The following MEGF10 variants were observed in gnomAD, a reference collection of about 807,000 sequenced individuals.
MEGF10 encodes multiple EGF like domains 10.
In MEGF10, 86 loss-of-function variants were observed where a neutral mutation model predicts 147.5. The ratio of observed to expected loss-of-function variants is 0.58; its 90% confidence interval spans 0.49 to 0.70. The LOEUF (loss-of-function observed/expected upper bound fraction) is 0.70. Ranked by LOEUF, MEGF10 falls within the 30% of genes least tolerant of loss-of-function variation. The probability of loss-of-function intolerance (pLI) is 0.00; values close to 1 mark genes in which losing one functional copy is unlikely to be tolerated. For synonymous variants in MEGF10, 478 were observed against 525.5 expected (o/e 0.91, Z 1.24); for missense variants, 1,329 against 1,487.3 (o/e 0.89, Z 1.75).
At chr5:127,323,733 A>G (rs1760887020) in intron 1 of MEGF10, among the ~76,000 whole-genome samples, 1 of 152,218 alleles carries the variant, frequency 6.6e-6, no homozygotes, top group African/African-American at 2.4e-5. Flanking sequence ...AGTTGAGAGT[A>G]GCTTAGCTGG....
chr5:127,237,398 A>C, the MEGF10 span, among the ~76,000 whole-genome samples: 1 of 152,318 alleles, frequency 6.6e-6, no homozygotes, highest in South Asian at 2.1e-4. Context: ...AGGCTGAGGC[A>C]GGAGAATCAC....
chr5:127,418,001 C>T lies in MEGF10; in HGVS notation c.1305+189C>T, dbSNP rs1428045450. 3.9e-5 allele frequency among the ~76,000 whole-genome samples: 6 copies of T among 152,176 alleles called. No individual in the cohort carries two copies. In the East Asian group the frequency reaches 5.8e-4, roughly 15 times the overall value. On this transcript the variant is annotated intron_variant, in intron 10 of 24. Transcript: ENST00000503335. ...AGGAATTACCTTAGAATAATGACTG[C>T]GAAAACTGGTAAAACTATAAATGTG...
At chr5:127,377,784 G>C (rs941076898) in intron 5 of MEGF10, among the ~76,000 whole-genome samples, 3 of 152,222 alleles carry the variant, frequency 2.0e-5, no homozygotes, top group Non-Finnish European at 4.4e-5. Flanking sequence ...GCTGTCTGCG[G>C]AGAGTAGACG....
chr5:127,289,032 T>C (rs1040567671), upstream of MEGF10, among the ~76,000 whole-genome samples: 4 of 152,170 alleles, frequency 2.6e-5, no homozygotes, highest in African/African-American at 9.7e-5. Context: ...ATCTAATCTG[T>C]AGTTACAGAA....
intron 4 of MEGF10, among the ~76,000 whole-genome samples, chr5:127,357,775 T>C (rs1762332092): frequency 6.6e-6 from 1 of 152,056 alleles, no homozygotes; most frequent in Non-Finnish European, 1.5e-5. Context: ...CCATACAATT[T>C]TATATTTTAA....
At chr5:127,455,892 A>G (rs928004927) in intron 24 of MEGF10, among the ~76,000 whole-genome samples, 21 of 152,218 alleles carry the variant, frequency 1.4e-4, no homozygotes, top group African/African-American at 5.1e-4. Flanking sequence ...GGCACGCACT[A>G]CCACGCCCAG....
intron 24 of MEGF10, 62 bp downstream of exon 24, chr5:127,455,669 C>G (rs1766337773): frequency 1.5e-6 from 2 of 1,369,644 alleles, no homozygotes; most frequent in Middle Eastern, 1.8e-4. Context: ...ATTTTAAAGT[C>G]TTTACGAATA....
intron 5 of MEGF10, among the ~76,000 whole-genome samples, chr5:127,373,262 A>T (rs1315709076): frequency 6.6e-6 from 1 of 151,848 alleles, no homozygotes; most frequent in East Asian, 1.9e-4. Context: ...AGCAATTCTC[A>T]TGCTTCAGCC....
At chr5:127,322,324 A>C (rs1008665283) in intron 1 of MEGF10, among the ~76,000 whole-genome samples, 1 of 152,048 alleles carries the variant, frequency 6.6e-6, no homozygotes, top group Non-Finnish European at 1.5e-5. Context: ...CTGTGCTTCA[A>C]ACAATCCTGC....
At chr5:127,359,447 C>G (rs772094466) in intron 4 of MEGF10, among the ~76,000 whole-genome samples, 1 of 151,980 alleles carries the variant, frequency 6.6e-6, no homozygotes, top group Non-Finnish European at 1.5e-5. Context: ...GACATATGTA[C>G]ACAACCCTTA....
chr5:127,381,995 G>A (rs1385307559), intron 5 of MEGF10, among the ~76,000 whole-genome samples: 2 of 152,088 alleles, frequency 1.3e-5, no homozygotes, highest in Non-Finnish European at 2.9e-5. Context: ...TTTATAATTC[G>A]GCGTCTGTCA....
chr5:127,248,658 C>T, the MEGF10 span, among the ~76,000 whole-genome samples: 1 of 151,354 alleles, frequency 6.6e-6, no homozygotes, highest in South Asian at 2.1e-4. Context: ...TGGAAGATAA[C>T]AAAATGGAAA....
At chr5:127,233,486 C>A in the MEGF10 span, among the ~76,000 whole-genome samples, 18 of 152,090 alleles carry the variant, frequency 1.2e-4, no homozygotes, top group African/African-American at 4.3e-4. Context: ...TGAAGTAAGG[C>A]GGCAATTAGC....
chr5:127,452,663 A>G (rs1351154329), intron 22 of MEGF10, among the ~76,000 whole-genome samples: 2 of 152,130 alleles, frequency 1.3e-5, no homozygotes, highest in South Asian at 4.1e-4. Context: ...AGATGATACC[A>G]TATGGCCCAA....
intron 17 of MEGF10, among the ~76,000 whole-genome samples, chr5:127,440,230 T>C (rs10519940): frequency 0.028 from 4,202 of 152,288 alleles, 53 homozygotes; most frequent in East Asian, 0.045. Context: ...AGGTAAGCAT[T>C]CTAGTACACC....
chr5:127,449,065 GT>G, intron 21 of MEGF10, 33 bp from the exon 22 acceptor site: 1 of 1,612,944 alleles, frequency 6.2e-7, no homozygotes, highest in South Asian at 1.1e-5. Context: ...ATTGTATTTT[GT>G]TTTTAATCTT....
chr5:127,355,289 A>G (rs773303232), intron 4 of MEGF10, among the ~76,000 whole-genome samples: 2 of 152,062 alleles, frequency 1.3e-5, no homozygotes, highest in Non-Finnish European at 2.9e-5. Context: ...TTGTTTAATG[A>G]TAAAATTGTG....
chr5:127,358,366 G>A (rs1762349922), intron 4 of MEGF10, among the ~76,000 whole-genome samples: 1 of 152,170 alleles, frequency 6.6e-6, no homozygotes, highest in Non-Finnish European at 1.5e-5. Context: ...ACTTTCTCTA[G>A]GGCTGGCCTT....
At chr5:127,247,261 A>G in the MEGF10 span, among the ~76,000 whole-genome samples, 1 of 139,928 alleles carries the variant, frequency 7.1e-6, no homozygotes, top group East Asian at 2.1e-4. Context: ...TTATTCCAAA[A>G]GACAGCAAAG....
Sources: gnomAD v4.1 joint callset for allele counts (sites outside exome capture counted in the v4.1 genomes callset) on GRCh38, gnomAD v4.1.1 for gene constraint, MANE v1.5 for transcripts, NCBI Gene and HGNC (gene_info 2026-07-23, HGNC 2026-07-21) for gene names.